Variants in C5 observed in about 807,000 individuals in gnomAD.
C5 encodes the protein complement C5, also known as C3 and PZP-like alpha-2-macroglobulin domain-containing protein 4.
Under a neutral mutation model 218.8 loss-of-function variants are expected in C5, and 140 were observed. That is an observed-to-expected ratio of 0.64 (90% CI 0.56 to 0.74). C5 has a LOEUF of 0.74. C5 is among the 30% of genes least tolerant of loss of function. The probability of loss-of-function intolerance (pLI) is 0.00; values close to 1 mark genes in which losing one functional copy is unlikely to be tolerated. For synonymous variants in C5, 614 were observed against 682.3 expected (o/e 0.90, Z 1.56); for missense variants, 1,700 against 1,969.6 (o/e 0.86, Z 2.59).
the C5 span, among the ~76,000 whole-genome samples, chr9:121,067,526 T>G: frequency 6.7e-6 from 1 of 149,730 alleles, no homozygotes; most frequent in Non-Finnish European, 1.5e-5. Flanking sequence ...ATCGCGCCAC[T>G]GCATTCGCAG....
intron 20 of C5, 35 bp from the exon 21 acceptor site, chr9:120,997,809 T>TA: frequency 4.8e-6 from 1 of 206,574 alleles, no homozygotes; most frequent in East Asian, 2.5e-4. Flanking sequence ...TCAAAATACA[T>TA]TTTTTTTTTT....
At chr9:120,975,026 G>T (rs1267403597) in intron 29 of C5, 95 bp from the exon 30 acceptor site, 2 of 1,403,000 alleles carry the variant, frequency 1.4e-6, no homozygotes, top group African/African-American at 1.4e-5. Flanking sequence ...GGGCAGCATT[G>T]TCTGGAGATG....
At chr9:121,019,353 A>G (rs2047343688) in intron 12 of C5, among the ~76,000 whole-genome samples, 2 of 152,224 alleles carry the variant, frequency 1.3e-5, no homozygotes, top group African/African-American at 4.8e-5. Flanking sequence ...GGCTGTCGAA[A>G]TAATTCATTC....
chr9:121,059,753 C>T, the C5 span, among the ~76,000 whole-genome samples: 1 of 152,210 alleles, frequency 6.6e-6, no homozygotes, highest in African/African-American at 2.4e-5. This position sits in a 1 kb window ranked among gnomAD's most constrained non-coding sequence, Gnocchi z 4.1. Context: ...TCTTGAACGG[C>T]CTGTTCTAGG....
At chr9:121,072,616 G>A in the C5 span, among the ~76,000 whole-genome samples, 1 of 152,010 alleles carries the variant, frequency 6.6e-6, no homozygotes, top group Non-Finnish European at 1.5e-5. Context: ...AGACCAGCCT[G>A]ACCAACATGG....
At chr9:120,975,161 T>G (rs1188296312) in intron 29 of C5, among the ~76,000 whole-genome samples, 1 of 152,136 alleles carries the variant, frequency 6.6e-6, no homozygotes, top group Non-Finnish European at 1.5e-5. Context: ...CAGATCTGGG[T>G]CCTCTATATA....
At chr9:120,975,956 A>C (rs773436637) in intron 29 of C5, among the ~76,000 whole-genome samples, 2 of 152,236 alleles carry the variant, frequency 1.3e-5, no homozygotes, top group Non-Finnish European at 2.9e-5. Flanking sequence ...GATGTTAAAC[A>C]ATGTGGCCAT....
At chr9:121,018,700 GAAAGAAAGAAAA>G (rs2047333601) in intron 12 of C5, among the ~76,000 whole-genome samples, 2 of 142,142 alleles carry the variant, frequency 1.4e-5, no homozygotes. Flanking sequence ...GGGAGGGAAA[GAAAGAAAGAAAA>G]GAAAGAAAGA....
upstream of C5, among the ~76,000 whole-genome samples, chr9:121,054,349 C>T (rs894448235): frequency 8.5e-5 from 13 of 152,182 alleles, no homozygotes; most frequent in African/African-American, 3.1e-4. Flanking sequence ...CCTGTAATCC[C>T]AGCACTTTGG....
intron 20 of C5, among the ~76,000 whole-genome samples, chr9:120,998,813 G>T (rs2047138188): frequency 6.6e-6 from 1 of 152,170 alleles, no homozygotes; most frequent in African/African-American, 2.4e-5. Context: ...TGAACTGATA[G>T]AATTGAGAAC....
intron 30 of C5, among the ~76,000 whole-genome samples, chr9:120,974,231 G>A (rs960507748): frequency 2.0e-5 from 3 of 152,082 alleles, no homozygotes; most frequent in African/African-American, 7.2e-5. Context: ...TAAAAATCCA[G>A]CAGTAGCAAA....
In C5 at chr9:120,986,028, A is replaced by G. The variant is rs1394330460; in HGVS notation, c.3230+3018T>C. On this transcript the variant is annotated intron_variant, in intron 25 of 40. Transcript: ENST00000223642. ...AGCTAACTCTTGCACACAGTTTTCC[A>G]AGCCCCTTCCTCTTTAAAATCCCTC... is the stretch of plus-strand genomic sequence containing the variant. Among the ~76,000 whole-genome samples, 7 of 152,196 alleles carry G rather than the reference A, an allele frequency of 4.6e-5. No homozygotes were observed. The South Asian group carries it at 1.2e-3, about 27-fold the overall frequency.
intron 22 of C5, among the ~76,000 whole-genome samples, chr9:120,994,912 C>A: frequency 7.3e-6 from 1 of 136,790 alleles, no homozygotes; most frequent in African/African-American, 2.6e-5. Flanking sequence ...GCAGAAGAAG[C>A]ATCTGTGGTG....
the C5 span, among the ~76,000 whole-genome samples, chr9:121,071,559 C>T: frequency 6.6e-6 from 1 of 151,974 alleles, no homozygotes; most frequent in Non-Finnish European, 1.5e-5. Context: ...GTGGTGCACA[C>T]CTATAGACTG....
At chr9:121,038,501 A>C (rs748137468) in intron 3 of C5, among the ~76,000 whole-genome samples, 1 of 152,170 alleles carries the variant, frequency 6.6e-6, no homozygotes, top group Non-Finnish European at 1.5e-5. Flanking sequence ...CAGATCCTAC[A>C]CTTGTTCGCT....
chr9:120,955,772 C>G (rs1439424706), intron 39 of C5, among the ~76,000 whole-genome samples: 2 of 151,814 alleles, frequency 1.3e-5, no homozygotes, highest in Non-Finnish European at 2.9e-5. Context: ...ATTTTAAACT[C>G]TAGGGTATGG....
chr9:120,953,391 C>G (rs2046760928), intron 40 of C5, among the ~76,000 whole-genome samples: 1 of 152,180 alleles, frequency 6.6e-6, no homozygotes. Context: ...ATTTCAATGA[C>G]TAGTTTCTAA....
rs564621698 is a variant in C5, at chr9:120,963,530, T to G, written c.4323+106A>C. 1.6e-3 allele frequency: 1,345 copies of G among 833,576 alleles called. 3 individuals carry two copies. Among genetic ancestry groups the G allele is most frequent in the Non-Finnish European group, 2.2e-3 (1,115 of 510,366 alleles). The allele number at this position is 833,576 out of a possible 1,614,324, so 51.6% of individuals were successfully genotyped here. A position where few individuals can be genotyped will look rare whatever the true frequency, so the allele number is the denominator to read the frequency against. On this transcript the variant is annotated intron_variant, in intron 34 of 40. Coordinates refer to ENST00000223642, the MANE Select transcript of C5 (RefSeq NM_001735.3). The stretch of plus-strand genomic sequence containing the variant: ...AAAAAAAAAAAAATATTCTGGGTGA[T>G]TCTATAAAAGTGGTATATTCAAATG...
At chr9:120,962,805 A>C (rs1322986693) in intron 35 of C5, 29 bp from the exon 36 acceptor site, 1 of 1,601,508 alleles carries the variant, frequency 6.2e-7, no homozygotes, top group Non-Finnish European at 8.6e-7. Context: ...GATTTAAGGA[A>C]ATTATGGAGA....
Sources: allele counts gnomAD v4.1 joint callset (sites outside exome capture counted in the v4.1 genomes callset), GRCh38; gene constraint gnomAD v4.1.1; non-coding constraint Gnocchi (gnomAD v3.1); transcripts MANE v1.5; gene names NCBI Gene and HGNC (gene_info 2026-07-23, HGNC 2026-07-21).